CAGE1: variants seen among roughly 807,000 people sequenced by gnomAD.
CAGE1 encodes cancer-associated gene 1 protein.
CAGE1 carries 66 observed loss-of-function variants against 94.9 expected under a neutral mutation model. That is an observed-to-expected ratio of 0.70 (90% CI 0.57 to 0.85). CAGE1 has a LOEUF of 0.85. CAGE1 is among the 40% of genes least tolerant of loss of function. The probability of loss-of-function intolerance (pLI) is 0.00; values close to 1 mark genes in which losing one functional copy is unlikely to be tolerated. For missense variants in CAGE1, 865 were observed against 950.4 expected, an observed-to-expected ratio of 0.91 and a Z score of 1.18; for synonymous variants, 319 against 321.0, an observed-to-expected ratio of 0.99 and a Z score of 0.07.
chr6:7,332,543 T>C (rs1758794301), intron 12 of CAGE1, among the ~76,000 whole-genome samples: 1 of 152,238 alleles, frequency 6.6e-6, no homozygotes, highest in Admixed American at 6.5e-5. Context: ...ACAGCCCCTC[T>C]GCTGAGCAGC....
chr6:7,339,471 C>A lies in CAGE1; in HGVS notation c.2370-5381G>T. 2.1e-6 allele frequency: 2 copies of A among 942,248 alleles called. No individual in the cohort carries two copies. The highest frequency in any genetic ancestry group is 3.5e-6 in the Non-Finnish European group (2 of 567,332). 58.4% of individuals were successfully genotyped at this position (942,248 alleles called of 1,614,324 possible). A position where few individuals can be genotyped will look rare whatever the true frequency, so the allele number is the denominator to read the frequency against. ...AACTCGCATCTCAACTCCAGAGTAG[C>A]CATCTTCAGCCAGCTCCTGAGTAAG... On this transcript the variant is annotated intron_variant, in intron 11 of 13. Transcript: ENST00000502583. The surrounding 1 kb of genome is among the most constrained non-coding windows in gnomAD (Gnocchi z 4.7).
At chr6:7,368,616 C>T (rs1760432192) in intron 7 of CAGE1, 72 bp downstream of exon 7, 2 of 797,424 alleles carry the variant, frequency 2.5e-6, no homozygotes, top group Admixed American at 3.2e-5. Flanking sequence ...TTAAGAGTTA[C>T]TTCTTCACTA....
At chr6:7,370,489 G>T (rs1055239341) in intron 5 of CAGE1, among the ~76,000 whole-genome samples, 1 of 152,018 alleles carries the variant, frequency 6.6e-6, no homozygotes, top group South Asian at 2.1e-4. Context: ...GAGATGGGGG[G>T]TCTCACCATG....
chr6:7,329,069 T>C (rs1758646815), intron 13 of CAGE1: 1 of 255,292 alleles, frequency 3.9e-6, no homozygotes, highest in African/African-American at 2.3e-5. Flanking sequence ...GTAACTGGGA[T>C]TACAGGCACG....
At chr6:7,372,118 A>G (rs1295243308) in intron 5 of CAGE1, among the ~76,000 whole-genome samples, 1 of 152,158 alleles carries the variant, frequency 6.6e-6, no homozygotes, top group East Asian at 1.9e-4. Flanking sequence ...CCAAACATGC[A>G]ATTATATTAT....
intron 3 of CAGE1, among the ~76,000 whole-genome samples, chr6:7,381,689 C>T (rs149743509): frequency 2.6e-4 from 40 of 151,770 alleles, no homozygotes; most frequent in African/African-American, 8.2e-4. Flanking sequence ...CCACCATGCC[C>T]GCCTAATTTT....
chr6:7,349,784 T>C (rs1214303256), intron 11 of CAGE1, among the ~76,000 whole-genome samples: 2 of 151,660 alleles, frequency 1.3e-5, no homozygotes, highest in African/African-American at 2.4e-5. Flanking sequence ...AATACAAAAT[T>C]AGCCAGGTGT....
chr6:7,338,990 G>A, intron 11 of CAGE1: 1 of 1,607,612 alleles, frequency 6.2e-7, no homozygotes, highest in Non-Finnish European at 8.5e-7. Flanking sequence ...TACCAGTTGG[G>A]TCCCAGGGCA....
In CAGE1 at chr6:7,339,501, T is replaced by G; in HGVS notation, c.2370-5411A>C. On this transcript the variant is annotated intron_variant, in intron 11 of 13. Transcript: ENST00000502583. This position sits in a 1 kb window ranked among gnomAD's most constrained non-coding sequence, Gnocchi z 4.7. Reference sequence around the variant, plus strand: ...TTCAGCCAGCTCCTGAGTAAGAAACTCATTCATTTCAGCTTAGAAGATGCC... The same window carrying G: ...TTCAGCCAGCTCCTGAGTAAGAAACGCATTCATTTCAGCTTAGAAGATGCC... 1.2e-6 allele frequency: 1 copy of G among 828,502 alleles called. No homozygotes were observed. The highest frequency in any genetic ancestry group is 2.2e-6 in the Non-Finnish European group (1 of 463,330). The allele number at this position is 828,502 out of a possible 1,614,324, so 51.3% of individuals were successfully genotyped here.
At chr6:7,336,315 C>T (rs575133100) in intron 11 of CAGE1, among the ~76,000 whole-genome samples, 128 of 152,296 alleles carry the variant, frequency 8.4e-4, no homozygotes, top group South Asian at 2.3e-3. Context: ...TGACACTGCA[C>T]TCCCATGTGT....
intron 3 of CAGE1, among the ~76,000 whole-genome samples, chr6:7,379,792 T>A (rs1760872539): frequency 6.6e-6 from 1 of 152,166 alleles, no homozygotes; most frequent in Non-Finnish European, 1.5e-5. Flanking sequence ...AGAATAAAGT[T>A]CCCAGATTTC....
chr6:7,345,014 AAG>A (rs1348345562), intron 11 of CAGE1, among the ~76,000 whole-genome samples: 5 of 152,204 alleles, frequency 3.3e-5, no homozygotes, highest in Admixed American at 2.0e-4. Context: ...GGGGCCAGAT[AAG>A]AGAATAAAAC....
At chr6:7,380,687 A>T (rs1760903166) in intron 3 of CAGE1, among the ~76,000 whole-genome samples, 4 of 151,758 alleles carry the variant, frequency 2.6e-5, no homozygotes, top group Admixed American at 2.6e-4. Context: ...TCTGAGGCTT[A>T]GCCACATATA....
chr6:7,329,910 T>C lies in CAGE1; in HGVS notation c.2439-22A>G, dbSNP rs565967007. Reference sequence around the variant, plus strand: ...TGATCTGTAAGAAATAGAAAGAAAATAATGTAAAAAGGAGGAAGGGGGGAC... The same window carrying C: ...TGATCTGTAAGAAATAGAAAGAAAACAATGTAAAAAGGAGGAAGGGGGGAC... On this transcript the variant is annotated intron_variant, in intron 12 of 13. Transcript: ENST00000502583. 8 of 1,255,256 alleles carry C rather than the reference T, an allele frequency of 6.4e-6. No individual in the cohort carries two copies. The East Asian group carries it at 2.0e-4, about 31-fold the overall frequency. The allele number at this position is 1,255,256 out of a possible 1,614,324, so 77.8% of individuals were successfully genotyped here. A position where few individuals can be genotyped will look rare whatever the true frequency, so the allele number is the denominator to read the frequency against.
At chr6:7,356,917 C>T (rs531714259) in intron 9 of CAGE1, among the ~76,000 whole-genome samples, 4 of 152,156 alleles carry the variant, frequency 2.6e-5, no homozygotes, top group Non-Finnish European at 4.4e-5. Flanking sequence ...CTGCCTCAGC[C>T]TCCTGAGTAG....
chr6:7,373,077 G>A lies in CAGE1; in HGVS notation c.1742C>T (p.Thr581Ile). ...QLEEVLKSDI[T>I]KDTKTTHSNL... is the part of the protein sequence containing the mutation. Reference sequence around the variant, plus strand: ...ATTTAGAATGTGTATCAATACCTTGGTAATATCTGACTTCAAGACTTCCTC... The same window carrying A: ...ATTTAGAATGTGTATCAATACCTTGATAATATCTGACTTCAAGACTTCCTC... Residue 581 changes from threonine (T) to isoleucine (I), a missense_variant, in exon 5 of 14, where the codon ACC becomes ATC. Transcript: ENST00000502583. 6.3e-7 allele frequency: 1 copy of A among 1,594,852 alleles called. No individual in the cohort carries two copies. Among genetic ancestry groups the A allele is most frequent in the Non-Finnish European group, 8.5e-7 (1 of 1,170,452 alleles).
At chr6:7,348,973 T>C (rs1759668185) in intron 11 of CAGE1, among the ~76,000 whole-genome samples, 1 of 152,172 alleles carries the variant, frequency 6.6e-6, no homozygotes, top group South Asian at 2.1e-4. Flanking sequence ...AATCTAAAAG[T>C]ATGGAAAACA....
chr6:7,352,496 T>A (rs1216617403), intron 11 of CAGE1, among the ~76,000 whole-genome samples: 1 of 151,620 alleles, frequency 6.6e-6, no homozygotes, highest in African/African-American at 2.4e-5. Flanking sequence ...TGCAATACAA[T>A]CCCCATCAAA....
At chr6:7,378,184 T>C (rs915471671) in intron 4 of CAGE1, among the ~76,000 whole-genome samples, 2 of 152,186 alleles carry the variant, frequency 1.3e-5, no homozygotes, top group African/African-American at 4.8e-5. Flanking sequence ...TCTAATAAAC[T>C]TGTTTGTGGT....
Sources: gnomAD v4.1 joint callset for allele counts (sites outside exome capture counted in the v4.1 genomes callset) on GRCh38, gnomAD v4.1.1 for gene constraint, Gnocchi (gnomAD v3.1) non-coding constraint, MANE v1.5 for transcripts, NCBI Gene and HGNC (gene_info 2026-07-23, HGNC 2026-07-21) for gene names.